Variants in ANO10 observed in about 807,000 individuals in gnomAD.
The protein encoded by ANO10 is anoctamin-10.
Under a neutral mutation model 74.7 loss-of-function variants are expected in ANO10, and 77 were observed. The ratio of observed to expected loss-of-function variants is 1.03; its 90% CI spans 0.86 to 1.25. The LOEUF (loss-of-function observed/expected upper bound fraction) is 1.25. Among genes scored for constraint, ANO10 ranks in the 50% most tolerant of loss-of-function variants. The pLI is 0.00. For missense variants in ANO10, 721 were observed against 778.1 expected (o/e 0.93, Z 0.87); for synonymous variants, 279 against 284.9 (o/e 0.98, Z 0.21).
At chr3:43,604,174 G>T (rs1273880514) in intron 2 of ANO10, among the ~76,000 whole-genome samples, 1 of 151,836 alleles carries the variant, frequency 6.6e-6, no homozygotes, top group African/African-American at 2.4e-5. Flanking sequence ...CTCAGATCAG[G>T]GTAGTTAGCA....
chr3:43,545,971 G>GCATT (rs747441712), intron 11 of ANO10, among the ~76,000 whole-genome samples: 17 of 152,116 alleles, frequency 1.1e-4, no homozygotes, highest in Non-Finnish European at 2.1e-4. Flanking sequence ...AGACCAGATG[G>GCATT]CATTCAGCTG....
Position 43,466,383 on chromosome 3 carries a change from A to AC in ANO10, c.1798-33657_1798-33656insG, listed in dbSNP as rs1553677006. 3.6e-3 allele frequency among the ~76,000 whole-genome samples: 272 copies of AC among 76,330 alleles called. 2 individuals carry two copies. The highest frequency in any genetic ancestry group is 6.8e-3 in the Middle Eastern group (1 of 148). 50.1% of individuals were successfully genotyped at this position (76,330 alleles called of 152,430 possible). The stretch of plus-strand genomic sequence containing the variant: ...AGACTCCATCTCAAAAAAAAAAAAA[A>AC]AAAACAAACAAAAAAACCAGTAATC... On this transcript the variant is annotated intron_variant, in intron 11 of 12. Coordinates refer to ENST00000292246, the MANE Select transcript of ANO10 (RefSeq NM_018075.5).
chr3:43,416,963 C>G (rs1474021756), intron 12 of ANO10, among the ~76,000 whole-genome samples: 2 of 152,186 alleles, frequency 1.3e-5, no homozygotes, highest in Non-Finnish European at 2.9e-5. Context: ...GTGTCATTTC[C>G]AATTTCAATA....
At chr3:43,571,267 G>A (rs2080699001) in intron 7 of ANO10, among the ~76,000 whole-genome samples, 2 of 152,242 alleles carry the variant, frequency 1.3e-5, no homozygotes, top group East Asian at 1.9e-4. Flanking sequence ...CATTGTGGAA[G>A]TCAGTGTGGC....
At chr3:43,395,959 C>T (rs1158090363) in intron 12 of ANO10, among the ~76,000 whole-genome samples, 2 of 152,174 alleles carry the variant, frequency 1.3e-5, no homozygotes, top group Admixed American at 1.3e-4. Context: ...CAAATGACGA[C>T]TTCTAGTTTC....
intron 7 of ANO10, among the ~76,000 whole-genome samples, chr3:43,567,623 A>G (rs553455788): frequency 4.6e-5 from 7 of 152,248 alleles, no homozygotes; most frequent in Admixed American, 1.3e-4. Context: ...CTTTATAGAC[A>G]AGCAAATGCT....
intron 11 of ANO10, among the ~76,000 whole-genome samples, chr3:43,499,078 A>G (rs1373250256): frequency 1.3e-5 from 2 of 152,198 alleles, no homozygotes; most frequent in African/African-American, 4.8e-5. Context: ...CCACAGTTCC[A>G]GGGCTCATGT....
At chr3:43,655,620 C>G (rs1476572316) in intron 1 of ANO10, among the ~76,000 whole-genome samples, 1 of 152,002 alleles carries the variant, frequency 6.6e-6, no homozygotes, top group East Asian at 1.9e-4. Context: ...TTTACAATCC[C>G]TGAGCTAGAC....
chr3:43,411,178 A>G (rs1422476601), intron 12 of ANO10, among the ~76,000 whole-genome samples: 3 of 152,336 alleles, frequency 2.0e-5, no homozygotes, highest in Admixed American at 6.5e-5. Flanking sequence ...GGAACTGGTC[A>G]TGGAAAATGG....
At chr3:43,514,999 A>T (rs1291960549) in intron 11 of ANO10, among the ~76,000 whole-genome samples, 2 of 152,224 alleles carry the variant, frequency 1.3e-5, no homozygotes, top group Non-Finnish European at 2.9e-5. Context: ...TCTCAATTCC[A>T]TCTTCAGGAA....
At chr3:43,397,570 T>C (rs2092405630) in intron 12 of ANO10, among the ~76,000 whole-genome samples, 1 of 152,228 alleles carries the variant, frequency 6.6e-6, no homozygotes, top group African/African-American at 2.4e-5. Flanking sequence ...GCAATACCTT[T>C]CTGAGTGTTT....
chr3:43,680,156 C>T (rs543359836), intron 1 of ANO10, among the ~76,000 whole-genome samples: 12 of 152,126 alleles, frequency 7.9e-5, no homozygotes, highest in African/African-American at 2.4e-4. Flanking sequence ...GGAGGAAGTT[C>T]GAACCCATGG....
chr3:43,546,194 T>A (rs369701879), intron 11 of ANO10, among the ~76,000 whole-genome samples: 2 of 152,184 alleles, frequency 1.3e-5, no homozygotes, highest in Admixed American at 6.5e-5. Context: ...TGTGCCAATA[T>A]AATCCAACTT....
At chr3:43,597,584 G>A (rs1164692171) in intron 4 of ANO10, among the ~76,000 whole-genome samples, 1 of 152,066 alleles carries the variant, frequency 6.6e-6, no homozygotes, top group Non-Finnish European at 1.5e-5. Context: ...GACACAGGAA[G>A]AGGAACATCA....
intron 12 of ANO10, among the ~76,000 whole-genome samples, chr3:43,406,326 C>T (rs1575688555): frequency 6.6e-6 from 1 of 152,308 alleles, no homozygotes; most frequent in East Asian, 1.9e-4. Context: ...AAGCACAGGA[C>T]GTGCAACTGT....
intron 11 of ANO10, among the ~76,000 whole-genome samples, chr3:43,498,658 A>C (rs1173110608): frequency 6.6e-6 from 1 of 152,224 alleles, no homozygotes; most frequent in African/African-American, 2.4e-5. Context: ...TGGACTATGC[A>C]GCTTACTATA....
chr3:43,585,125 TCAAC>T (rs564040831), intron 4 of ANO10, among the ~76,000 whole-genome samples: 271 of 152,354 alleles, frequency 1.8e-3, no homozygotes, highest in African/African-American at 6.2e-3. Flanking sequence ...CCACTTTTCT[TCAAC>T]CAAGTATTAT....
chr3:43,625,653 A>G (rs2083484627), upstream of ANO10, among the ~76,000 whole-genome samples: 1 of 152,038 alleles, frequency 6.6e-6, no homozygotes, highest in Admixed American at 6.5e-5. Context: ...TTTGTCTTTC[A>G]TTTTCTGTGA....
At chr3:43,574,908 A>C (rs1051062444) in intron 6 of ANO10, 44 bp from the exon 7 acceptor site, 1 of 1,537,588 alleles carries the variant, frequency 6.5e-7, no homozygotes, top group African/African-American at 1.4e-5. Context: ...TAAGAAAACA[A>C]TACGAAAGCA....
Sources: allele counts gnomAD v4.1 joint callset (sites outside exome capture counted in the v4.1 genomes callset), GRCh38; gene constraint gnomAD v4.1.1; transcripts MANE v1.5; gene names NCBI Gene and HGNC (gene_info 2026-07-23, HGNC 2026-07-21).